The following OSBPL10 variants were observed in gnomAD, a reference collection of about 807,000 sequenced individuals.
The protein encoded by OSBPL10 is oxysterol binding protein like 10, also known as oxysterol-binding protein-related protein 10.
In OSBPL10, 49 loss-of-function variants were observed where a neutral mutation model predicts 81.7. The observed-to-expected ratio is 0.60, with a 90% CI of 0.48 to 0.76. The LOEUF (loss-of-function observed/expected upper bound fraction) is 0.76. Among genes scored for constraint, OSBPL10 ranks in the 30% least tolerant of loss-of-function variants. The pLI is 0.00. For synonymous variants in OSBPL10, 419 were observed against 383.6 expected (o/e 1.09, Z -1.08); for missense variants, 923 against 987.8 (o/e 0.93, Z 0.88).
At chr3:32,053,992 G>T (rs1003610289) in intron 1 of OSBPL10, among the ~76,000 whole-genome samples, 6 of 152,022 alleles carry the variant, frequency 3.9e-5, no homozygotes, top group African/African-American at 7.2e-5. Flanking sequence ...AAGAAAGAAA[G>T]AAATTTTTGG....
chr3:31,670,763 A>C, intron 9 of OSBPL10, 34 bp downstream of exon 9: 3 of 1,581,628 alleles, frequency 1.9e-6, no homozygotes, highest in Non-Finnish European at 2.6e-6. Flanking sequence ...CATCTTGTTA[A>C]GACAAAGCCA....
At chr3:31,662,515 A>G (rs746897725) in intron 11 of OSBPL10, 219 of 1,015,172 alleles carry the variant, frequency 2.2e-4, no homozygotes, top group Non-Finnish European at 2.4e-4. Context: ...GGAACACCCA[A>G]CAAAGGCTCT....
chr3:31,891,180 G>A (rs1695881594), intron 1 of OSBPL10, among the ~76,000 whole-genome samples: 2 of 152,248 alleles, frequency 1.3e-5, no homozygotes, highest in South Asian at 2.1e-4. Context: ...GGAAGGTAGT[G>A]TGATTCGGCA....
intron 1 of OSBPL10, among the ~76,000 whole-genome samples, chr3:31,958,661 G>A (rs1056227845): frequency 2.6e-5 from 4 of 152,172 alleles, no homozygotes; most frequent in African/African-American, 9.7e-5. Context: ...CAACTGAGAT[G>A]TTTATGTTCT....
In OSBPL10 at chr3:31,668,816, G is replaced by C. The variant is rs564979875; in HGVS notation, c.1922C>G (p.Ala641Gly). 3 of 1,607,408 alleles carry C rather than the reference G, an allele frequency of 1.9e-6. No homozygotes were observed. The highest frequency in any genetic ancestry group is 2.6e-6 in the Non-Finnish European group (3 of 1,175,838). The change falls in exon 10 of 12, where the codon GCA becomes GGA. Residue 641 changes from alanine to glycine, a missense_variant. Ala to Gly is a moderately conservative substitution (Grantham distance 60). Around this residue, in one of 3 missense-constraint regions of OSBPL10, gnomAD observed 387 missense variants for 436.3 expected, o/e 0.89. Coordinates refer to ENST00000396556, the MANE Select transcript of OSBPL10 (RefSeq NM_017784.5). The stretch of plus-strand genomic sequence containing the variant: ...GTTGGTTGGGTTGTGCTTCACTTCT[G>C]CGGTAACCCTGAATTAATGAGTCAA... ...FYGGKVHRVTAEVKHNPTNTI... is the reference protein window; with the variant it reads ...FYGGKVHRVTGEVKHNPTNTI...
intron 2 of OSBPL10, among the ~76,000 whole-genome samples, chr3:31,997,175 C>T (rs571774747): frequency 3.9e-5 from 6 of 152,248 alleles, no homozygotes; most frequent in African/African-American, 1.4e-4. Context: ...TTTATGTGCA[C>T]AGCAGAGCCC....
rs377690969 is a variant in OSBPL10, at chr3:32,018,041, A to G, written n.298+28450T>C. Among the ~76,000 whole-genome samples, 45 of 151,986 alleles carry G rather than the reference A, an allele frequency of 3.0e-4. 4 individuals carry two copies. The East Asian group carries it at 3.3e-3, about 11-fold the overall frequency. ...CGGGCGCCTGTAATCCCAGCTACTCAGGGGGCTGAGGCAGGAGAATCACTT... is the reference window on the plus strand; with the variant it reads ...CGGGCGCCTGTAATCCCAGCTACTCGGGGGGCTGAGGCAGGAGAATCACTT... On this transcript the variant is annotated intron_variant and non_coding_transcript_variant, in intron 2 of 3. Transcript: ENST00000479173.
At position 31,981,046 on chromosome 3, in the gene OSBPL10, G is replaced by A; in HGVS notation, c.134C>T (p.Ala45Val). Residue 45 changes from alanine (A) to valine (V), a missense_variant, in exon 1 of 12, where the codon GCG becomes GTG. This residue lies in a region of OSBPL10 where 514 missense variants were observed against 508.0 expected (regional missense o/e 1.01). Transcript: ENST00000396556. The surrounding 1 kb of genome is among the most constrained non-coding windows in gnomAD (Gnocchi z 4.5). ...TCCCCCGCCGCCGAGCCCGGCCGCC[G>A]CCGACCGGCTGGAGACCCCCCGGCC... ...LAGRGVSSRS[A>V]AAGLGGGGSR... 3 of 1,480,116 alleles carry A rather than the reference G, an allele frequency of 2.0e-6. No individual in the cohort carries two copies. Among genetic ancestry groups the A allele is most frequent in the East Asian group, 2.9e-5 (1 of 34,142 alleles). The allele number at this position is 1,480,116 out of a possible 1,614,324, so 91.7% of individuals were successfully genotyped here. A position where few individuals can be genotyped will look rare whatever the true frequency, so the allele number is the denominator to read the frequency against.
chr3:31,938,283 C>G (rs144842692), intron 1 of OSBPL10, among the ~76,000 whole-genome samples: 223 of 152,284 alleles, frequency 1.5e-3, no homozygotes, highest in Middle Eastern at 0.01. Context: ...TCAACTCCCT[C>G]ACACTCTCTT....
upstream of OSBPL10, among the ~76,000 whole-genome samples, chr3:31,985,716 G>A (rs1310285222): frequency 6.6e-6 from 1 of 152,178 alleles, no homozygotes; most frequent in Non-Finnish European, 1.5e-5. Context: ...ATATCAACTT[G>A]GTCATGTCTG....
At chr3:31,676,633 G>T (rs183334285) in intron 8 of OSBPL10, among the ~76,000 whole-genome samples, 36 of 152,368 alleles carry the variant, frequency 2.4e-4, no homozygotes, top group African/African-American at 8.2e-4. Flanking sequence ...TGTGTTTGCA[G>T]ACCCGGCAGC....
chr3:31,938,218 T>G (rs1697435394), intron 1 of OSBPL10, among the ~76,000 whole-genome samples: 1 of 152,164 alleles, frequency 6.6e-6, no homozygotes, highest in Non-Finnish European at 1.5e-5. Context: ...AGGCCTCTTC[T>G]GTCTACATCT....
intron 4 of OSBPL10, among the ~76,000 whole-genome samples, chr3:31,797,513 C>A (rs1440611080): frequency 6.6e-6 from 1 of 152,090 alleles, no homozygotes; most frequent in Non-Finnish European, 1.5e-5. Context: ...CCAATGCAAT[C>A]GCCTCATGCA....
chr3:31,749,826 C>CATAAA (rs1012430645), intron 4 of OSBPL10, among the ~76,000 whole-genome samples: 1 of 151,172 alleles, frequency 6.6e-6, no homozygotes, highest in African/African-American at 2.4e-5. Flanking sequence ...AAAATAAATA[C>CATAAA]ATAAAATAAA....
At chr3:31,729,821 T>G (rs3792537) in intron 6 of OSBPL10, among the ~76,000 whole-genome samples, 70,592 of 151,870 alleles carry the variant, frequency 0.46, 16,850 homozygotes, top group East Asian at 0.62. Flanking sequence ...CGCACCCAGG[T>G]AGGTGGGACT....
At chr3:31,979,431 A>G (rs998052117) in intron 1 of OSBPL10, among the ~76,000 whole-genome samples, 2 of 152,226 alleles carry the variant, frequency 1.3e-5, no homozygotes, top group Non-Finnish European at 2.9e-5. Context: ...TTTCGTGCAG[A>G]TAACTGGCTG....
At chr3:31,891,296 G>A (rs1446059856) in intron 1 of OSBPL10, among the ~76,000 whole-genome samples, 1 of 152,134 alleles carries the variant, frequency 6.6e-6, no homozygotes, top group East Asian at 1.9e-4. Context: ...CTCCCCCAGA[G>A]CTTATGATTC....
chr3:31,711,120 T>A (rs1265237667), intron 6 of OSBPL10: 2 of 152,224 alleles, frequency 1.3e-5, no homozygotes, highest in Admixed American at 6.5e-5. Context: ...TTCAACCATG[T>A]TTCACAGAGG....
chr3:31,927,027 C>T (rs1392908971), intron 1 of OSBPL10, among the ~76,000 whole-genome samples: 3 of 152,188 alleles, frequency 2.0e-5, no homozygotes, highest in Non-Finnish European at 4.4e-5. Context: ...AGGAGAATAG[C>T]TTGAACCCAA....
Sources: gnomAD v4.1 joint callset for allele counts (sites outside exome capture counted in the v4.1 genomes callset) on GRCh38, gnomAD v4.1.1 for gene constraint, gnomAD v4.1.1 regional missense constraint, Gnocchi (gnomAD v3.1) non-coding constraint, MANE v1.5 for transcripts, NCBI Gene and HGNC (gene_info 2026-07-23, HGNC 2026-07-21) for gene names.